Variants in DCDC1 observed in about 807,000 individuals in gnomAD.
DCDC1 encodes doublecortin domain containing 1, also known as doublecortin domain-containing protein 1.
In DCDC1, 200 loss-of-function variants were observed where a neutral mutation model predicts 178.3. That is an observed-to-expected ratio of 1.12 (90% confidence interval 1.00 to 1.26). The LOEUF (loss-of-function observed/expected upper bound fraction) is 1.26, where lower values mean the gene tolerates loss of function less well. Ranked by LOEUF, DCDC1 falls within the 50% of genes most tolerant of loss-of-function variation. DCDC1 has a pLI of 0.00. For missense variants in DCDC1, 1,983 were observed against 1,749.2 expected (o/e 1.13, Z -2.38); for synonymous variants, 690 against 604.8 (o/e 1.14, Z -2.07).
chr11:31,099,788 G>A (rs191411730), intron 15 of DCDC1, among the ~76,000 whole-genome samples: 4 of 150,178 alleles, frequency 2.7e-5, no homozygotes, highest in East Asian at 2.0e-4. Context: ...GCGCAATCTC[G>A]GCTCACTACA....
At chr11:30,979,022 GA>G (rs1950253137) in intron 20 of DCDC1, among the ~76,000 whole-genome samples, 1 of 152,140 alleles carries the variant, frequency 6.6e-6, no homozygotes, top group Non-Finnish European at 1.5e-5. Flanking sequence ...CAAATACAGA[GA>G]TAGGAATTCT....
chr11:31,194,231 T>G (rs78520551), intron 9 of DCDC1, among the ~76,000 whole-genome samples: 2,845 of 152,224 alleles, frequency 0.019, 85 homozygotes, highest in African/African-American at 0.065. Context: ...TACTTCTTGT[T>G]GTGCCACTTG....
chr11:31,037,493 C>T (rs1041289119), intron 20 of DCDC1, among the ~76,000 whole-genome samples: 1 of 145,854 alleles, frequency 6.9e-6, no homozygotes, highest in Non-Finnish European at 1.5e-5. Context: ...AGTGCAGTGG[C>T]GCGATCTCGG....
At chr11:31,236,562 C>T (rs1254561274) in intron 9 of DCDC1, among the ~76,000 whole-genome samples, 1 of 151,758 alleles carries the variant, frequency 6.6e-6, no homozygotes, top group Non-Finnish European at 1.5e-5. Context: ...GATGTTAGGC[C>T]TGCTCAAAGC....
intron 7 of DCDC1, chr11:31,281,112 C>G (rs151035520): frequency 1.1e-5 from 4 of 365,982 alleles, no homozygotes; most frequent in Admixed American, 3.4e-5. Flanking sequence ...ATCCTGCAAA[C>G]TTGCTGAATG....
At chr11:31,247,907 TAG>T (rs1943690854) in intron 8 of DCDC1, among the ~76,000 whole-genome samples, 1 of 152,090 alleles carries the variant, frequency 6.6e-6, no homozygotes, top group Non-Finnish European at 1.5e-5. Flanking sequence ...TGATATTTAG[TAG>T]TAATGTAAAA....
intron 20 of DCDC1, among the ~76,000 whole-genome samples, chr11:30,964,007 T>A (rs868631752): frequency 6.5e-4 from 99 of 152,272 alleles, no homozygotes; most frequent in African/African-American, 2.3e-3. Flanking sequence ...CATCCACTTC[T>A]CCAAGTTCTT....
At chr11:31,075,076 T>A (rs961886201) in intron 18 of DCDC1, among the ~76,000 whole-genome samples, 1 of 152,146 alleles carries the variant, frequency 6.6e-6, no homozygotes, top group African/African-American at 2.4e-5. Context: ...GTCTCCAATA[T>A]CTATCATTCT....
At chr11:30,880,291 T>C (rs1312218356) in intron 37 of DCDC1, among the ~76,000 whole-genome samples, 2 of 152,072 alleles carry the variant, frequency 1.3e-5, no homozygotes, top group Admixed American at 6.6e-5. Context: ...GGAGGAATAT[T>C]TGTGGCTTCC....
chr11:31,351,459 C>T (rs1403905945), intron 1 of DCDC1, among the ~76,000 whole-genome samples: 1 of 152,072 alleles, frequency 6.6e-6, no homozygotes, highest in East Asian at 1.9e-4. Context: ...GATTATTGAA[C>T]TCTTGCTTTA....
chr11:30,899,689 C>A lies in DCDC1; in HGVS notation c.4664-47G>T, dbSNP rs368721770. 19 of 1,279,980 alleles carry A rather than the reference C, an allele frequency of 1.5e-5. No homozygotes were observed. The Admixed American group carries it at 4.9e-4, about 33-fold the overall frequency. 79.3% of individuals were successfully genotyped at this position (1,279,980 alleles called of 1,614,324 possible). On this transcript the variant is annotated intron_variant, in intron 33 of 38. Transcript: ENST00000684477. ...ATATTTTATCAACAGTAATTTATCA[C>A]GCGCACCAATAATTTATAAAGAACT...
chr11:30,958,573 G>A (rs1224221525), intron 20 of DCDC1, among the ~76,000 whole-genome samples: 3 of 152,092 alleles, frequency 2.0e-5, no homozygotes, highest in African/African-American at 7.2e-5. Context: ...ACACTGGTAA[G>A]GTTGGGGTGT....
chr11:31,277,286 C>T (rs1946064398), intron 7 of DCDC1, among the ~76,000 whole-genome samples: 1 of 151,998 alleles, frequency 6.6e-6, no homozygotes. Flanking sequence ...GAAAAATAGT[C>T]CTTGACATAA....
At chr11:31,077,771 G>A in intron 18 of DCDC1, 94 bp downstream of exon 18, 1 of 642,864 alleles carries the variant, frequency 1.6e-6, no homozygotes, top group South Asian at 1.8e-5. Flanking sequence ...TGCAGAAAAA[G>A]CATTTCTTGC....
At chr11:31,123,062 A>T (rs1337430884) in intron 11 of DCDC1, among the ~76,000 whole-genome samples, 2 of 152,098 alleles carry the variant, frequency 1.3e-5, no homozygotes, top group African/African-American at 2.4e-5. Context: ...ATATTCCAGT[A>T]AAACTGTATT....
chr11:30,930,698 T>G (rs1946869681), intron 22 of DCDC1, among the ~76,000 whole-genome samples: 1 of 152,134 alleles, frequency 6.6e-6, no homozygotes, highest in African/African-American at 2.4e-5. Context: ...GTATGTAACT[T>G]TGAGCCACAA....
chr11:31,156,393 T>A (rs1030318478), intron 9 of DCDC1, among the ~76,000 whole-genome samples: 1 of 152,062 alleles, frequency 6.6e-6, no homozygotes, highest in Non-Finnish European at 1.5e-5. Context: ...GCCCCCAGGC[T>A]TAGCAACCCC....
At chr11:31,009,928 GA>G (rs1048089582) in intron 20 of DCDC1, among the ~76,000 whole-genome samples, 3 of 152,124 alleles carry the variant, frequency 2.0e-5, no homozygotes, top group Non-Finnish European at 2.9e-5. Flanking sequence ...GCAAAGGGGG[GA>G]AAGCCCCTTA....
chr11:31,020,610 T>C (rs1952806203), intron 20 of DCDC1, among the ~76,000 whole-genome samples: 1 of 152,096 alleles, frequency 6.6e-6, no homozygotes, highest in African/African-American at 2.4e-5. Context: ...TTTAAAATTT[T>C]ATAAATAGAT....
Sources: allele counts gnomAD v4.1 joint callset (sites outside exome capture counted in the v4.1 genomes callset), GRCh38; gene constraint gnomAD v4.1.1; transcripts MANE v1.5; gene names NCBI Gene and HGNC (gene_info 2026-07-23, HGNC 2026-07-21).